The following STXBP3 variants were observed in gnomAD, a reference collection of about 807,000 sequenced individuals.
STXBP3 encodes the protein syntaxin-binding protein 3.
STXBP3 carries 41 observed loss-of-function variants against 85.7 expected under a neutral mutation model. That is an observed-to-expected ratio of 0.48 (90% confidence interval 0.37 to 0.62). The LOEUF is 0.62. Among genes scored for constraint, STXBP3 ranks in the 20% least tolerant of loss-of-function variants. STXBP3 has a pLI of 0.00. For missense variants in STXBP3, 563 were observed against 703.1 expected, an observed-to-expected ratio of 0.80 and a Z score of 2.25; for synonymous variants, 229 against 231.7, an observed-to-expected ratio of 0.99 and a Z score of 0.10.
chr1:108,789,405 A>T (rs549353246), intron 11 of STXBP3, among the ~76,000 whole-genome samples: 1 of 152,158 alleles, frequency 6.6e-6, no homozygotes, highest in Non-Finnish European at 1.5e-5. Context: ...AGTGTGGCCC[A>T]GGGAAGCCAA....
At chr1:108,797,514 G>A (rs143392715) in intron 15 of STXBP3, among the ~76,000 whole-genome samples, 1,856 of 149,870 alleles carry the variant, frequency 0.012, 39 homozygotes, top group African/African-American at 0.042. Flanking sequence ...CCAGGTTCAA[G>A]CAACTTTCCT....
At chr1:108,782,085 A>C (rs1260296745) in intron 9 of STXBP3, 1 of 188,434 alleles carries the variant, frequency 5.3e-6, no homozygotes, top group Non-Finnish European at 1.1e-5. Context: ...GTTGTAGGGA[A>C]TTAGAACACA....
At chr1:108,797,394 A>G (rs1663128502) in intron 15 of STXBP3, among the ~76,000 whole-genome samples, 1 of 145,924 alleles carries the variant, frequency 6.9e-6, no homozygotes, top group Admixed American at 6.8e-5. Flanking sequence ...AGCTCTATTT[A>G]GAATCTCACT....
At chr1:108,758,476 A>T (rs766519338) in intron 4 of STXBP3, 34 bp from the exon 5 acceptor site, 3 of 1,090,780 alleles carry the variant, frequency 2.8e-6, no homozygotes, top group Non-Finnish European at 3.9e-6. Flanking sequence ...TTAATATTTA[A>T]TAAAATGTGT....
chr1:108,788,511 G>A (rs1235399491), intron 11 of STXBP3, among the ~76,000 whole-genome samples: 1 of 152,162 alleles, frequency 6.6e-6, no homozygotes, highest in Non-Finnish European at 1.5e-5. Flanking sequence ...CACCATTGAA[G>A]CAGTTCAGGC....
intron 13 of STXBP3, 54 bp downstream of exon 13, chr1:108,794,961 T>G: frequency 6.7e-7 from 1 of 1,490,292 alleles, no homozygotes; most frequent in Non-Finnish European, 9.1e-7. Flanking sequence ...AGGATAAACT[T>G]TGTAAGTTAA....
At chr1:108,777,476 A>G (rs1267103268) in intron 8 of STXBP3, among the ~76,000 whole-genome samples, 13 of 152,138 alleles carry the variant, frequency 8.5e-5, no homozygotes, top group Admixed American at 7.9e-4. Flanking sequence ...GTTACCTTAA[A>G]AGTAACCTGT....
In STXBP3 at chr1:108,794,910, A is replaced by C. The variant is rs1663059139; in HGVS notation, c.1110+3A>C. ...AAAAGCTCTGCAAAACTGAACAGGTATGTGCAGAGTCAGAAATGCCTCTGT... is the reference window on the plus strand; with the variant it reads ...AAAAGCTCTGCAAAACTGAACAGGTCTGTGCAGAGTCAGAAATGCCTCTGT... On this transcript the variant is annotated splice_donor_region_variant and intron_variant, in intron 13 of 18. Coordinates refer to ENST00000370008, the MANE Select transcript of STXBP3 (RefSeq NM_007269.4). 1 of 1,599,958 alleles carries C rather than the reference A, an allele frequency of 6.3e-7. No homozygotes were observed. Among genetic ancestry groups the C allele is most frequent in the South Asian group, 1.1e-5 (1 of 89,442 alleles).
chr1:108,784,435 G>A (rs1662783991), intron 11 of STXBP3, among the ~76,000 whole-genome samples: 1 of 152,324 alleles, frequency 6.6e-6, no homozygotes. Context: ...ATCAGATTTT[G>A]TGTGAACGCA....
At chr1:108,754,050 T>TTG (rs10673988) in intron 3 of STXBP3, among the ~76,000 whole-genome samples, 1 of 150,996 alleles carries the variant, frequency 6.6e-6, no homozygotes, top group Non-Finnish European at 1.5e-5. Flanking sequence ...TTTTTTTTTT[T>TTG]GAGACAGGAT....
Position 108,746,717 on chromosome 1 carries a change from C to G in STXBP3, c.-21C>G, listed in dbSNP as rs747170762. The G allele has an allele frequency of 6.5e-7, 1 of 1,548,322 alleles. No homozygotes were observed. The highest frequency in any genetic ancestry group is 8.7e-7 in the Non-Finnish European group (1 of 1,145,540). ...GGTTGGGAGTGGAAGGTGGTGGCTG[C>G]TGCTCCGCAGTGTCGGGAAGATGGC... On this transcript the variant is annotated 5_prime_UTR_variant, in exon 1 of 19. Transcript: ENST00000370008.
chr1:108,747,573 A>G (rs1433088325), intron 1 of STXBP3, among the ~76,000 whole-genome samples: 1 of 152,220 alleles, frequency 6.6e-6, no homozygotes, highest in Non-Finnish European at 1.5e-5. Context: ...ACCACCCAAC[A>G]GGAATAACCA....
chr1:108,761,065 G>A lies in STXBP3; in HGVS notation c.438+980G>A, dbSNP rs543858912. 7.1e-5 allele frequency among the ~76,000 whole-genome samples: 10 copies of A among 141,796 alleles called. No individual in the cohort carries two copies. In the East Asian group the frequency reaches 1.7e-3, roughly 25 times the overall value. 93.0% of individuals were successfully genotyped at this position (141,796 alleles called of 152,430 possible). ...ATTACAGGCATGCGTCACCACACCT[G>A]GCTAATTTTTTTGTATTTTTAGAAG... On this transcript the variant is annotated intron_variant, in intron 6 of 18. Coordinates refer to ENST00000370008, the MANE Select transcript of STXBP3 (RefSeq NM_007269.4).
chr1:108,751,759 A>G (rs1051201084), intron 1 of STXBP3, among the ~76,000 whole-genome samples: 2 of 125,066 alleles, frequency 1.6e-5, no homozygotes, highest in African/African-American at 3.0e-5. Flanking sequence ...TGTAAGGAAC[A>G]TATTTATTGA....
intron 2 of STXBP3, 25 bp downstream of exon 2, chr1:108,752,331 A>T (rs780607895): frequency 1.9e-6 from 3 of 1,603,358 alleles, no homozygotes; most frequent in Admixed American, 1.7e-5. Flanking sequence ...CCTTGCTCTT[A>T]TAAAAAATAA....
At chr1:108,777,738 G>T (rs534013316) in intron 8 of STXBP3, among the ~76,000 whole-genome samples, 5 of 151,990 alleles carry the variant, frequency 3.3e-5, no homozygotes, top group Non-Finnish European at 5.9e-5. Flanking sequence ...TTTATTCAGG[G>T]ACACCTGATA....
intron 11 of STXBP3, among the ~76,000 whole-genome samples, chr1:108,785,605 A>G (rs1204534428): frequency 6.6e-6 from 1 of 152,098 alleles, no homozygotes; most frequent in Non-Finnish European, 1.5e-5. Flanking sequence ...CTTGTTTCTT[A>G]TGCAGATTTC....
intron 11 of STXBP3, among the ~76,000 whole-genome samples, chr1:108,788,555 T>C (rs1332367414): frequency 2.0e-5 from 3 of 152,186 alleles, no homozygotes; most frequent in Non-Finnish European, 2.9e-5. Flanking sequence ...TCTTTCGTTA[T>C]AATTAATGAT....
chr1:108,747,956 G>C (rs895374205), intron 1 of STXBP3, among the ~76,000 whole-genome samples: 1 of 152,146 alleles, frequency 6.6e-6, no homozygotes, highest in Non-Finnish European at 1.5e-5. Flanking sequence ...AAATTGTGTT[G>C]TATAATTTCC....
Sources: allele counts gnomAD v4.1 joint callset (sites outside exome capture counted in the v4.1 genomes callset), GRCh38; gene constraint gnomAD v4.1.1; transcripts MANE v1.5; gene names NCBI Gene and HGNC (gene_info 2026-07-23, HGNC 2026-07-21).